DGKB: variants seen among roughly 807,000 people sequenced by gnomAD.
DGKB encodes diacylglycerol kinase beta.
DGKB carries 67 observed loss-of-function variants against 114.3 expected under a neutral mutation model. The observed-to-expected ratio is 0.59, with a 90% CI of 0.48 to 0.72. The LOEUF (loss-of-function observed/expected upper bound fraction) is 0.72. Among genes scored for constraint, DGKB ranks in the 30% least tolerant of loss-of-function variants. The probability of loss-of-function intolerance (pLI) is 0.00; values close to 1 mark genes in which losing one functional copy is unlikely to be tolerated. For missense variants in DGKB, 907 were observed against 975.2 expected (o/e 0.93, Z 0.93); for synonymous variants, 398 against 323.1 (o/e 1.23, Z -2.49).
intron 21 of DGKB, among the ~76,000 whole-genome samples, chr7:14,425,905 C>G (rs996242905): frequency 6.6e-6 from 1 of 152,042 alleles, no homozygotes; most frequent in Non-Finnish European, 1.5e-5. Context: ...TTCCTTTTCC[C>G]TCAAAGCCAT....
At chr7:14,432,325 A>G (rs1563171659) in intron 21 of DGKB, among the ~76,000 whole-genome samples, 1 of 152,212 alleles carries the variant, frequency 6.6e-6, no homozygotes, top group African/African-American at 2.4e-5. Context: ...AGGAGTAGAC[A>G]TAACCCTTCT....
chr7:14,458,502 C>T (rs931076561), intron 21 of DGKB, among the ~76,000 whole-genome samples: 1 of 152,098 alleles, frequency 6.6e-6, no homozygotes, highest in Non-Finnish European at 1.5e-5. Context: ...AGGCACCCAG[C>T]TCCTCTCATT....
rs769225568 is a variant in DGKB, at chr7:14,301,581, A to T, written c.2122+36934T>A. Among the ~76,000 whole-genome samples, 4 of 152,260 alleles carry T rather than the reference A, an allele frequency of 2.6e-5. No homozygotes were observed. In the South Asian group the frequency reaches 6.2e-4, roughly 24 times the overall value. ...AGATTAGGGAATGTTACTTATTGTAATAAGAACTTGGTAATTTGGGCCAAT... is the reference window on the plus strand; with the variant it reads ...AGATTAGGGAATGTTACTTATTGTATTAAGAACTTGGTAATTTGGGCCAAT... On this transcript the variant is annotated intron_variant, in intron 23 of 25. Transcript: ENST00000402815.
At chr7:14,595,777 T>C (rs901726080) in intron 17 of DGKB, among the ~76,000 whole-genome samples, 2 of 152,040 alleles carry the variant, frequency 1.3e-5, no homozygotes, top group Non-Finnish European at 2.9e-5. Context: ...ATATTTGTAC[T>C]GAGGTTAAAA....
intron 2 of DGKB, among the ~76,000 whole-genome samples, chr7:14,775,322 A>G (rs936854741): frequency 6.6e-6 from 1 of 152,042 alleles, no homozygotes; most frequent in East Asian, 1.9e-4. Flanking sequence ...GCATTTAAAT[A>G]ACTGTTAAAT....
At chr7:14,883,416 C>G (rs1277724128) in intron 1 of DGKB, among the ~76,000 whole-genome samples, 1 of 151,830 alleles carries the variant, frequency 6.6e-6, no homozygotes, top group South Asian at 2.1e-4. Flanking sequence ...CAGTGAAACA[C>G]AAACAAATGC....
intron 20 of DGKB, among the ~76,000 whole-genome samples, chr7:14,524,604 A>G (rs1324783629): frequency 3.9e-5 from 6 of 151,920 alleles, no homozygotes; most frequent in Non-Finnish European, 8.8e-5. Context: ...AAAAATAGAA[A>G]AGTCAGCTGG....
intron 13 of DGKB, among the ~76,000 whole-genome samples, chr7:14,650,351 G>A (rs552202092): frequency 0.024 from 1,099 of 45,006 alleles, 23 homozygotes; most frequent in African/African-American, 0.074. Flanking sequence ...CTCACTCAAA[G>A]CCGCTCAACT....
intron 21 of DGKB, among the ~76,000 whole-genome samples, chr7:14,437,245 TA>T (rs767154882): frequency 4.6e-5 from 7 of 151,748 alleles, no homozygotes; most frequent in Non-Finnish European, 1.0e-4. Context: ...TGGTTCTAAT[TA>T]AAAATTAAGG....
At chr7:14,572,170 T>C (rs560007258) in intron 20 of DGKB, among the ~76,000 whole-genome samples, 3 of 151,688 alleles carry the variant, frequency 2.0e-5, no homozygotes, top group East Asian at 3.9e-4. Context: ...GAATAAAGTA[T>C]AGGCCGGGCG....
At chr7:14,890,710 C>T (rs77838703) in intron 1 of DGKB, among the ~76,000 whole-genome samples, 2,090 of 151,292 alleles carry the variant, frequency 0.014, 44 homozygotes, top group African/African-American at 0.048. Context: ...ATCACCTATT[C>T]TCCTCACGTG....
chr7:14,217,125 G>A lies in DGKB; in HGVS notation c.2123-38974C>T, dbSNP rs1055036941. ...AAATGACAAGAGAAAGGGCCAGACA[G>A]TCTAGTCTCTAAGGAACTCCTAGAG... On this transcript the variant is annotated intron_variant, in intron 23 of 25. Coordinates refer to ENST00000402815, the MANE Select transcript of DGKB (RefSeq NM_001350709.2). Among the ~76,000 whole-genome samples the A allele has an allele frequency of 2.0e-5, 3 of 152,130 alleles. 1 individual carries two copies. In the South Asian group the frequency reaches 6.2e-4, roughly 31 times the overall value.
At chr7:14,637,869 T>A (rs1036823277) in intron 13 of DGKB, among the ~76,000 whole-genome samples, 1 of 152,054 alleles carries the variant, frequency 6.6e-6, no homozygotes, top group African/African-American at 2.4e-5. Context: ...TAACATTCAC[T>A]AAAATGCCAC....
intron 23 of DGKB, among the ~76,000 whole-genome samples, chr7:14,334,407 T>C (rs1250154506): frequency 1.3e-5 from 2 of 148,652 alleles, no homozygotes; most frequent in Non-Finnish European, 3.0e-5. Flanking sequence ...CGCGCGCGTG[T>C]ATGTGGGTAT....
chr7:14,427,703 G>A (rs1251068654), intron 21 of DGKB, among the ~76,000 whole-genome samples: 1 of 152,098 alleles, frequency 6.6e-6, no homozygotes. Context: ...CTTGTGCGGG[G>A]AAATTCCCGT....
At chr7:14,920,098 C>T (rs1784442148) in intron 1 of DGKB, among the ~76,000 whole-genome samples, 1 of 152,036 alleles carries the variant, frequency 6.6e-6, no homozygotes, top group African/African-American at 2.4e-5. Context: ...CTTTGTGTTT[C>T]CTGATGAGAT....
intron 1 of DGKB, among the ~76,000 whole-genome samples, chr7:14,872,697 A>C (rs1362948265): frequency 6.6e-6 from 1 of 151,942 alleles, no homozygotes; most frequent in Non-Finnish European, 1.5e-5. Context: ...GTGCGGCCTC[A>C]AGGTTTCTTT....
At chr7:14,625,214 C>T (rs907882900) in intron 14 of DGKB, among the ~76,000 whole-genome samples, 1 of 152,010 alleles carries the variant, frequency 6.6e-6, no homozygotes, top group South Asian at 2.1e-4. Context: ...CACAGACACA[C>T]GCATCAAGAA....
chr7:14,311,708 G>A (rs542006494), intron 23 of DGKB, among the ~76,000 whole-genome samples: 86 of 152,228 alleles, frequency 5.6e-4, no homozygotes, highest in Non-Finnish European at 1.0e-3. Context: ...TTAAAGTCAT[G>A]AGCCTCCATG....
Sources: gnomAD v4.1 joint callset for allele counts (sites outside exome capture counted in the v4.1 genomes callset) on GRCh38, gnomAD v4.1.1 for gene constraint, MANE v1.5 for transcripts, NCBI Gene and HGNC (gene_info 2026-07-23, HGNC 2026-07-21) for gene names.